The following RNF130 variants were observed in gnomAD, a reference collection of about 807,000 sequenced individuals.
RNF130 encodes ring finger protein 130, also known as E3 ubiquitin-protein ligase RNF130.
In RNF130, 21 loss-of-function variants were observed where a neutral mutation model predicts 44.6. The ratio of observed to expected loss-of-function variants is 0.47; its 90% CI spans 0.33 to 0.68. The LOEUF (loss-of-function observed/expected upper bound fraction) is 0.68. RNF130 is among the 30% of genes least tolerant of loss of function. The pLI is 0.02. For missense variants in RNF130, 479 were observed against 560.6 expected (o/e 0.85, Z 1.47); for synonymous variants, 214 against 210.4 (o/e 1.02, Z -0.15).
At chr5:179,986,655 C>T (rs1178143094) in intron 3 of RNF130, among the ~76,000 whole-genome samples, 1 of 152,090 alleles carries the variant, frequency 6.6e-6, no homozygotes, top group Non-Finnish European at 1.5e-5. Context: ...TAATTTTATG[C>T]GGTTATGATT....
chr5:179,984,256 G>T (rs1206539616), intron 3 of RNF130, among the ~76,000 whole-genome samples: 3 of 152,070 alleles, frequency 2.0e-5, no homozygotes, highest in Non-Finnish European at 4.4e-5. Flanking sequence ...TTCCACAATG[G>T]ATGTCTTTTA....
chr5:179,946,776 G>C (rs1348015570), intron 7 of RNF130, among the ~76,000 whole-genome samples: 3 of 152,088 alleles, frequency 2.0e-5, no homozygotes, highest in East Asian at 1.9e-4. Context: ...GGATGGTCTC[G>C]ATCTCCTGAC....
chr5:180,051,009 C>T (rs1227529798), intron 1 of RNF130, among the ~76,000 whole-genome samples: 2 of 151,996 alleles, frequency 1.3e-5, no homozygotes, highest in East Asian at 1.9e-4. Context: ...CACTATGTTG[C>T]CCAGGCTGGT....
chr5:179,931,001 C>T (rs1761799552), intron 7 of RNF130, among the ~76,000 whole-genome samples: 1 of 145,086 alleles, frequency 6.9e-6, no homozygotes, highest in Non-Finnish European at 1.5e-5. Flanking sequence ...CCACTGCTCT[C>T]CAGCCTGGGC....
At chr5:179,968,871 G>A (rs949745474) in intron 6 of RNF130, among the ~76,000 whole-genome samples, 14 of 152,110 alleles carry the variant, frequency 9.2e-5, no homozygotes, top group Non-Finnish European at 2.9e-5. Flanking sequence ...ACGATGCACA[G>A]GACAGCCCCC....
chr5:180,000,076 T>G (rs1470645126), intron 3 of RNF130, among the ~76,000 whole-genome samples: 1 of 152,238 alleles, frequency 6.6e-6, no homozygotes, highest in Non-Finnish European at 1.5e-5. Flanking sequence ...AATACTGTCT[T>G]TTCAAAATGT....
chr5:179,946,797 A>C (rs987671824), intron 7 of RNF130, among the ~76,000 whole-genome samples: 3 of 152,006 alleles, frequency 2.0e-5, no homozygotes, highest in African/African-American at 7.2e-5. Context: ...CTCGTGATCC[A>C]CCAGCCTCGG....
chr5:180,041,263 A>G (rs1034701440), intron 1 of RNF130, among the ~76,000 whole-genome samples: 10 of 152,208 alleles, frequency 6.6e-5, no homozygotes, highest in Non-Finnish European at 1.3e-4. Context: ...ATCTAAGTAG[A>G]ATAAATGTAT....
chr5:179,990,980 C>T (rs983311288), intron 3 of RNF130, among the ~76,000 whole-genome samples: 3 of 152,194 alleles, frequency 2.0e-5, no homozygotes, highest in Non-Finnish European at 2.9e-5. Context: ...CTCGTGCCCT[C>T]GGTCTCTTGC....
intron 1 of RNF130, among the ~76,000 whole-genome samples, chr5:180,070,426 C>T (rs1247784092): frequency 6.6e-6 from 1 of 152,176 alleles, no homozygotes; most frequent in Non-Finnish European, 1.5e-5. Context: ...AAGAAAACAG[C>T]TTAGCACTTT....
rs958831310 is a variant in RNF130 at position 179,997,605 on chromosome 5, G to A, written c.693+15456C>T. The stretch of plus-strand genomic sequence containing the variant: ...GGTCTCCCAAAGTGCTGGGATTACA[G>A]GTGTGAGCCACCGCGAGTGGCCTTA... On this transcript the variant is annotated intron_variant, in intron 3 of 8. Coordinates refer to ENST00000521389, the MANE Select transcript of RNF130 (RefSeq NM_018434.6). 1.1e-4 allele frequency among the ~76,000 whole-genome samples: 17 copies of A among 152,124 alleles called. No homozygotes were observed. In the East Asian group the frequency reaches 3.3e-3, roughly 30 times the overall value.
intron 7 of RNF130, among the ~76,000 whole-genome samples, chr5:179,941,953 C>T (rs897288020): frequency 2.6e-5 from 4 of 151,990 alleles, no homozygotes; most frequent in African/African-American, 7.2e-5. Flanking sequence ...ACATAAGAAT[C>T]TCATTATGTC....
At chr5:179,948,116 G>C (rs1285724075) in intron 7 of RNF130, among the ~76,000 whole-genome samples, 1 of 152,216 alleles carries the variant, frequency 6.6e-6, no homozygotes, top group African/African-American at 2.4e-5. Context: ...CTTAGCAGGT[G>C]AGTGAACTTG....
chr5:179,985,352 G>A (rs1762930609), intron 3 of RNF130, among the ~76,000 whole-genome samples: 2 of 151,832 alleles, frequency 1.3e-5, no homozygotes, highest in African/African-American at 2.4e-5. Context: ...AGACTTTTGT[G>A]ATGTTTTATC....
intron 1 of RNF130, among the ~76,000 whole-genome samples, chr5:180,059,215 GC>G (rs1485939680): frequency 5.3e-5 from 8 of 151,970 alleles, no homozygotes; most frequent in Non-Finnish European, 1.2e-4. Context: ...CCTCCTTTCT[GC>G]CCCCTCTCAG....
intron 1 of RNF130, among the ~76,000 whole-genome samples, chr5:180,062,477 A>G (rs1236556129): frequency 6.6e-6 from 1 of 152,162 alleles, no homozygotes; most frequent in African/African-American, 2.4e-5. Flanking sequence ...GAGCTTCAAC[A>G]TATGAATTTG....
chr5:180,040,447 G>C lies in RNF130; in HGVS notation c.442+6C>G. 6.3e-7 allele frequency: 1 copy of C among 1,599,816 alleles called. No homozygotes were observed. Reference sequence around the variant, plus strand: ...AACAAAATCAACAACCCTCATTTTTGTTTACCTGGATGAGTCATGGTAACT... The same window carrying C: ...AACAAAATCAACAACCCTCATTTTTCTTTACCTGGATGAGTCATGGTAACT... On this transcript the variant is annotated splice_donor_region_variant and intron_variant, in intron 2 of 8. Transcript: ENST00000521389.
downstream of RNF130, among the ~76,000 whole-genome samples, chr5:179,954,426 A>AC (rs1762171025): frequency 6.6e-6 from 1 of 152,208 alleles, no homozygotes. Context: ...ATGCTACAAC[A>AC]TGTATGAACC....
chr5:179,924,197 T>A (rs984298576), intron 7 of RNF130, among the ~76,000 whole-genome samples: 89 of 151,874 alleles, frequency 5.9e-4, no homozygotes, highest in Non-Finnish European at 7.9e-4. Flanking sequence ...TTTTTTTTTT[T>A]AATAAATAAA....
Sources: gnomAD v4.1 joint callset for allele counts (sites outside exome capture counted in the v4.1 genomes callset) on GRCh38, gnomAD v4.1.1 for gene constraint, MANE v1.5 for transcripts, NCBI Gene and HGNC (gene_info 2026-07-23, HGNC 2026-07-21) for gene names.